Variants in AUTS2 observed in about 807,000 individuals in gnomAD.
AUTS2 encodes autism susceptibility gene 2 protein.
AUTS2 carries 17 observed loss-of-function variants against 112.4 expected under a neutral mutation model. The observed-to-expected ratio is 0.15, with a 90% CI of 0.10 to 0.23. The LOEUF (loss-of-function observed/expected upper bound fraction) is 0.23, where lower values mean the gene tolerates loss of function less well. Among genes scored for constraint, AUTS2 ranks in the 10% least tolerant of loss-of-function variants. AUTS2 has a pLI of 1.00. For synonymous variants in AUTS2, 751 were observed against 702.7 expected (o/e 1.07, Z -1.09); for missense variants, 1,510 against 1,701.6 (o/e 0.89, Z 1.98).
At chr7:70,125,358 C>T (rs1317681841) in intron 3 of AUTS2, among the ~76,000 whole-genome samples, 1 of 151,922 alleles carries the variant, frequency 6.6e-6, no homozygotes. Context: ...ATTTTTCCCC[C>T]ATTCTGACTG....
At chr7:70,646,726 G>T (rs1443511334) in intron 5 of AUTS2, among the ~76,000 whole-genome samples, 1 of 152,256 alleles carries the variant, frequency 6.6e-6, no homozygotes, top group African/African-American at 2.4e-5. Flanking sequence ...TGACTCCGAT[G>T]CAGTGCCAGG....
intron 5 of AUTS2, among the ~76,000 whole-genome samples, chr7:70,689,775 C>CAAAAA (rs60869776): frequency 2.7e-5 from 2 of 74,700 alleles, no homozygotes; most frequent in Admixed American, 1.5e-4. Flanking sequence ...GACTCCGTCT[C>CAAAAA]AAAAAAAAAA....
At chr7:70,249,539 A>T (rs1562820751) in intron 4 of AUTS2, among the ~76,000 whole-genome samples, 1 of 152,116 alleles carries the variant, frequency 6.6e-6, no homozygotes, top group Non-Finnish European at 1.5e-5. Context: ...CTTCATTTTT[A>T]ACAAGTTTCC....
chr7:70,612,860 T>C (rs2129534190), intron 5 of AUTS2, among the ~76,000 whole-genome samples: 1 of 152,142 alleles, frequency 6.6e-6, no homozygotes, highest in African/African-American at 2.4e-5. Context: ...CTTAGACCCT[T>C]GTGACTCTGC....
chr7:70,321,529 T>C (rs1299452061), intron 4 of AUTS2, among the ~76,000 whole-genome samples: 1 of 152,208 alleles, frequency 6.6e-6, no homozygotes, highest in Non-Finnish European at 1.5e-5. Context: ...AAAATTCTGG[T>C]TACAACTCAC....
intron 5 of AUTS2, among the ~76,000 whole-genome samples, chr7:70,629,581 T>C (rs534982543): frequency 6.6e-6 from 1 of 152,156 alleles, no homozygotes; most frequent in African/African-American, 2.4e-5. Flanking sequence ...CCACCTCCCT[T>C]AGCAGCCTGA....
At chr7:69,926,445 G>A (rs12698817) in intron 2 of AUTS2, among the ~76,000 whole-genome samples, 5,283 of 123,098 alleles carry the variant, frequency 0.043, 108 homozygotes, top group African/African-American at 0.063. Flanking sequence ...CTGTCTGTCT[G>A]TCTATCTATC....
chr7:69,616,952 A>G (rs929544747), intron 1 of AUTS2, among the ~76,000 whole-genome samples: 5 of 152,186 alleles, frequency 3.3e-5, no homozygotes, highest in Non-Finnish European at 5.9e-5. Flanking sequence ...TCTGTGTGCT[A>G]GGCAGGCAGT....
Position 69,820,876 on chromosome 7 carries a change from G to A in AUTS2, c.310-78410G>A, listed in dbSNP as rs528561274. Among the ~76,000 whole-genome samples the A allele has an allele frequency of 8.5e-5, 13 of 152,252 alleles. 1 individual carries two copies. Among genetic ancestry groups the A allele is most frequent in the Admixed American group, 7.8e-4 (12 of 15,306 alleles). On this transcript the variant is annotated intron_variant, in intron 1 of 18. Transcript: ENST00000342771. ...AATGTAAAATCAACTATAGAACTTA[G>A]GCAGGTTTATGAAGAAGAAAATATA...
intron 2 of AUTS2, among the ~76,000 whole-genome samples, chr7:69,942,891 A>C (rs1035501149): frequency 1.3e-5 from 2 of 152,214 alleles, no homozygotes; most frequent in Non-Finnish European, 2.9e-5. Flanking sequence ...TAGAAAACTG[A>C]CACTAGAATT....
At chr7:70,067,234 A>T (rs1802538175) in intron 2 of AUTS2, among the ~76,000 whole-genome samples, 1 of 152,186 alleles carries the variant, frequency 6.6e-6, no homozygotes, top group African/African-American at 2.4e-5. Flanking sequence ...CTCTTAATTA[A>T]ATTAGCTCAG....
At position 70,480,712 on chromosome 7, in the gene AUTS2, G is replaced by C. The variant is rs550960004; in HGVS notation, c.690+44931G>C. 3.3e-5 allele frequency among the ~76,000 whole-genome samples: 5 copies of C among 152,274 alleles called. No homozygotes were observed. The East Asian group carries it at 9.7e-4, about 29-fold the overall frequency. On this transcript the variant is annotated intron_variant, in intron 5 of 18. Transcript: ENST00000342771. ...GTGGCAGGAGACAGGAAGGATGTGT[G>C]GTGGAAACTCCAGGAACTTAGTCCA... is the stretch of plus-strand genomic sequence containing the variant.
intron 4 of AUTS2, among the ~76,000 whole-genome samples, chr7:70,188,042 AG>A (rs1167590460): frequency 6.6e-6 from 1 of 152,210 alleles, no homozygotes; most frequent in Non-Finnish European, 1.5e-5. Context: ...AAACCCCAAA[AG>A]TTAATTAACA....
intron 4 of AUTS2, among the ~76,000 whole-genome samples, chr7:70,250,589 A>G (rs1415237109): frequency 6.6e-6 from 1 of 152,232 alleles, no homozygotes; most frequent in Non-Finnish European, 1.5e-5. Flanking sequence ...TGTACTATTT[A>G]CAATAGCAAA....
chr7:70,255,758 A>G (rs1786834622), intron 4 of AUTS2, among the ~76,000 whole-genome samples: 2 of 152,078 alleles, frequency 1.3e-5, no homozygotes, highest in Admixed American at 1.3e-4. Flanking sequence ...CTTTTGTTGG[A>G]TACTAAATCA....
intron 1 of AUTS2, among the ~76,000 whole-genome samples, chr7:69,883,470 G>A (rs768473925): frequency 6.6e-6 from 1 of 152,120 alleles, no homozygotes; most frequent in Admixed American, 6.5e-5. Context: ...TAGTACCAGC[G>A]TCAGCATCTT....
At chr7:70,305,385 AAAG>A (rs1789448170) in intron 4 of AUTS2, among the ~76,000 whole-genome samples, 1 of 152,196 alleles carries the variant, frequency 6.6e-6, no homozygotes, top group Non-Finnish European at 1.5e-5. Context: ...AAAAAATAAA[AAAG>A]ACATTTAACC....
At chr7:69,894,254 T>TTTG (rs1794645511) in intron 1 of AUTS2, among the ~76,000 whole-genome samples, 1 of 127,626 alleles carries the variant, frequency 7.8e-6, no homozygotes, top group Non-Finnish European at 1.7e-5. Context: ...CTTAAAGCGT[T>TTTG]TTTTTTTTTT....
At chr7:70,750,843 G>T (rs922505466) in intron 6 of AUTS2, among the ~76,000 whole-genome samples, 1 of 152,206 alleles carries the variant, frequency 6.6e-6, no homozygotes. Flanking sequence ...GTAGATGACG[G>T]ACAGTATGTA....
Sources: gnomAD v4.1 joint callset for allele counts (sites outside exome capture counted in the v4.1 genomes callset) on GRCh38, gnomAD v4.1.1 for gene constraint, MANE v1.5 for transcripts, NCBI Gene and HGNC (gene_info 2026-07-23, HGNC 2026-07-21) for gene names.